MINDY4: variants seen among roughly 807,000 people sequenced by gnomAD.
The protein encoded by MINDY4 is probable ubiquitin carboxyl-terminal hydrolase MINDY-4.
Under a neutral mutation model 87.0 loss-of-function variants are expected in MINDY4, and 68 were observed. The observed-to-expected ratio is 0.78, with a 90% CI of 0.64 to 0.96. The LOEUF (loss-of-function observed/expected upper bound fraction) is 0.96. Among genes scored for constraint, MINDY4 ranks in the 40% least tolerant of loss-of-function variants. The pLI is 0.00. For synonymous variants in MINDY4, 379 were observed against 363.2 expected (o/e 1.04, Z -0.50); for missense variants, 919 against 928.2 (o/e 0.99, Z 0.13).
At chr7:30,875,451 C>T (rs1306667752) in intron 14 of MINDY4, 44 bp from the exon 15 acceptor site, 1 of 1,607,400 alleles carries the variant, frequency 6.2e-7, no homozygotes, top group African/African-American at 1.3e-5. Context: ...CTTTCAGTAA[C>T]TGATTCAGAC....
At chr7:30,802,906 T>C (rs2128171376) in intron 5 of MINDY4, among the ~76,000 whole-genome samples, 2 of 150,860 alleles carry the variant, frequency 1.3e-5, no homozygotes, top group South Asian at 4.2e-4. Flanking sequence ...CAACAAACCA[T>C]TCCACCCATC....
At chr7:30,796,241 C>T (rs963289711) in intron 5 of MINDY4, among the ~76,000 whole-genome samples, 1 of 152,056 alleles carries the variant, frequency 6.6e-6, no homozygotes, top group Non-Finnish European at 1.5e-5. Context: ...CTCACTGTCA[C>T]ATCTGTCTCT....
At chr7:30,832,448 C>T (rs772268953) in intron 6 of MINDY4, among the ~76,000 whole-genome samples, 8 of 152,220 alleles carry the variant, frequency 5.3e-5, no homozygotes, top group Admixed American at 5.2e-4. Context: ...CTCCAGAGAA[C>T]ATTCTCAATG....
intron 17 of MINDY4, among the ~76,000 whole-genome samples, chr7:30,887,286 C>T (rs1277980783): frequency 6.6e-6 from 1 of 152,176 alleles, no homozygotes; most frequent in African/African-American, 2.4e-5. Flanking sequence ...TGATGCCCTG[C>T]CCCCCACACA....
intron 6 of MINDY4, among the ~76,000 whole-genome samples, chr7:30,830,220 C>T (rs189809813): frequency 1.5e-4 from 23 of 152,198 alleles, no homozygotes; most frequent in Non-Finnish European, 2.5e-4. Flanking sequence ...ATGCAAGGCT[C>T]GGTAGAAGGC....
At chr7:30,830,693 G>T (rs561411854) in intron 6 of MINDY4, among the ~76,000 whole-genome samples, 1 of 152,296 alleles carries the variant, frequency 6.6e-6, no homozygotes, top group East Asian at 1.9e-4. Context: ...GACATGTGGG[G>T]ATGATGGGAA....
intron 4 of MINDY4, among the ~76,000 whole-genome samples, chr7:30,787,845 A>G (rs147934043): frequency 6.6e-6 from 1 of 152,300 alleles, no homozygotes; most frequent in East Asian, 1.9e-4. Context: ...TTATACTCTT[A>G]AAATTATTGT....
At position 30,861,366 on chromosome 7, in the gene MINDY4, C is replaced by T. The variant is rs1449185531; in HGVS notation, c.1745+2042C>T. On this transcript the variant is annotated intron_variant, in intron 13 of 17. Transcript: ENST00000265299. ...ATTCTGCACATGAACGCATCGAGTCCACAGCAGCCCTGTTAGGTGGGTGCT... is the reference window on the plus strand; with the variant it reads ...ATTCTGCACATGAACGCATCGAGTCTACAGCAGCCCTGTTAGGTGGGTGCT... 7.2e-5 allele frequency among the ~76,000 whole-genome samples: 11 copies of T among 152,234 alleles called. No homozygotes were observed. The East Asian group carries it at 2.1e-3, about 29-fold the overall frequency.
chr7:30,872,907 A>G (rs187232659), intron 14 of MINDY4, among the ~76,000 whole-genome samples: 15 of 152,340 alleles, frequency 9.8e-5, no homozygotes, highest in African/African-American at 3.4e-4. Context: ...CCTGGCTTCT[A>G]TCCATGCCTT....
At chr7:30,852,376 G>C in intron 11 of MINDY4, 97 bp downstream of exon 11, 1 of 1,582,272 alleles carries the variant, frequency 6.3e-7, no homozygotes, top group Non-Finnish European at 8.6e-7. Flanking sequence ...GGGACAGGCT[G>C]GCCTTCCGCA....
At chr7:30,773,847 C>A (rs1786718719) in intron 1 of MINDY4, among the ~76,000 whole-genome samples, 1 of 152,220 alleles carries the variant, frequency 6.6e-6, no homozygotes, top group African/African-American at 2.4e-5. Flanking sequence ...TTCCTGCCAA[C>A]TTTTCACAGT....
intron 5 of MINDY4, among the ~76,000 whole-genome samples, chr7:30,818,283 C>G (rs1275991348): frequency 6.6e-6 from 1 of 152,112 alleles, no homozygotes; most frequent in Non-Finnish European, 1.5e-5. Context: ...CATAATTTCT[C>G]TCAAACTCAT....
At chr7:30,799,719 T>C (rs376291776) in intron 5 of MINDY4, among the ~76,000 whole-genome samples, 4 of 152,214 alleles carry the variant, frequency 2.6e-5, no homozygotes, top group East Asian at 1.9e-4. Context: ...ACAAGCTTTT[T>C]AGGTGATGTC....
intron 17 of MINDY4, among the ~76,000 whole-genome samples, chr7:30,885,548 AAC>A (rs1294435991): frequency 1.3e-5 from 2 of 152,078 alleles, no homozygotes; most frequent in Non-Finnish European, 2.9e-5. Flanking sequence ...AAAACCAAAA[AAC>A]ACAAAGCGCC....
At chr7:30,878,111 G>A (rs537510215) in intron 15 of MINDY4, among the ~76,000 whole-genome samples, 2 of 152,150 alleles carry the variant, frequency 1.3e-5, no homozygotes, top group Admixed American at 1.3e-4. Context: ...TGGACTCAGA[G>A]CCAGGGCCCT....
intron 1 of MINDY4, 65 bp downstream of exon 1, chr7:30,771,621 C>T (rs1786637710): frequency 6.6e-7 from 1 of 1,512,132 alleles, no homozygotes; most frequent in Non-Finnish European, 9.0e-7. Flanking sequence ...TCGGGGTCTC[C>T]CCTGAAGGCT....
chr7:30,851,405 G>A (rs1789409358), intron 10 of MINDY4, among the ~76,000 whole-genome samples: 2 of 152,180 alleles, frequency 1.3e-5, no homozygotes, highest in Non-Finnish European at 2.9e-5. Flanking sequence ...AGACCTAAAT[G>A]AGTCAGTATA....
rs757734675 is a variant in MINDY4 at position 30,791,450 on chromosome 7, G to A, written c.949G>A (p.Asp317Asn). 30 of 1,614,118 alleles carry A rather than the reference G, an allele frequency of 1.9e-5. No individual in the cohort carries two copies. The South Asian group carries it at 3.2e-4, about 17-fold the overall frequency. ...TCCCTCCGAGGACACCCCAGCAGTG[G>A]ACGGCAGCACAGACACGGACAGGAT... Reference protein sequence around the residue: ...RDPSEDTPAVDGSTDTDRMPL... With the variant: ...RDPSEDTPAVNGSTDTDRMPL... Residue 317 changes from aspartate to asparagine, a missense_variant, in exon 5 of 18, where the codon GAC (aspartate) becomes AAC (asparagine). Physicochemically the swap from Asp to Asn is conservative, Grantham distance 23. Transcript: ENST00000265299.
intron 5 of MINDY4, among the ~76,000 whole-genome samples, chr7:30,795,318 A>G (rs1037409985): frequency 2.6e-5 from 4 of 152,224 alleles, no homozygotes; most frequent in Admixed American, 6.5e-5. Context: ...AACTGTGGTC[A>G]TGAATTGAGA....
Sources: gnomAD v4.1 joint callset for allele counts (sites outside exome capture counted in the v4.1 genomes callset) on GRCh38, gnomAD v4.1.1 for gene constraint, MANE v1.5 for transcripts, NCBI Gene and HGNC (gene_info 2026-07-23, HGNC 2026-07-21) for gene names.